Variants in L3MBTL4 observed in about 807,000 individuals in gnomAD.
L3MBTL4 encodes lethal(3)malignant brain tumor-like protein 4.
L3MBTL4 carries 70 observed loss-of-function variants against 84.5 expected under a neutral mutation model. The observed-to-expected ratio is 0.83, with a 90% CI of 0.68 to 1.01. L3MBTL4 has a LOEUF of 1.01. Among genes scored for constraint, L3MBTL4 ranks in the 50% least tolerant of loss-of-function variants. The pLI, the probability that L3MBTL4 is intolerant of heterozygous loss-of-function variation, is 0.00. For missense variants in L3MBTL4, 715 were observed against 754.8 expected, an observed-to-expected ratio of 0.95 and a Z score of 0.62; for synonymous variants, 274 against 259.8, an observed-to-expected ratio of 1.05 and a Z score of -0.52.
intron 1 of L3MBTL4, among the ~76,000 whole-genome samples, chr18:6,377,664 A>G (rs2054424734): frequency 1.3e-5 from 2 of 152,106 alleles, no homozygotes; most frequent in Admixed American, 1.3e-4. Context: ...ATCCTTTTTT[A>G]TGGCTGCATA....
intron 1 of L3MBTL4, among the ~76,000 whole-genome samples, chr18:6,351,652 C>A (rs188352105): frequency 0.011 from 1,738 of 151,954 alleles, 43 homozygotes; most frequent in African/African-American, 0.039. Context: ...CCCGGGTTCA[C>A]GCCATTCTCC....
At chr18:6,260,142 G>T (rs555786486) in intron 5 of L3MBTL4, 1 of 152,020 alleles carries the variant, frequency 6.6e-6, no homozygotes, top group African/African-American at 2.4e-5. Context: ...CTGTTCCATT[G>T]TTCTATGTAT....
chr18:6,413,477 A>G (rs1032708292), intron 1 of L3MBTL4, among the ~76,000 whole-genome samples: 1 of 152,236 alleles, frequency 6.6e-6, no homozygotes, highest in Non-Finnish European at 1.5e-5. Flanking sequence ...GTAGTAATAT[A>G]AGGAATGCAT....
intron 11 of L3MBTL4, among the ~76,000 whole-genome samples, chr18:6,213,643 C>T (rs191323630): frequency 4.6e-5 from 7 of 152,266 alleles, no homozygotes; most frequent in African/African-American, 7.2e-5. Flanking sequence ...AACCCTTGAC[C>T]TCAGGTGATC....
At chr18:6,084,512 T>G (rs920323937) in intron 15 of L3MBTL4, among the ~76,000 whole-genome samples, 3 of 152,222 alleles carry the variant, frequency 2.0e-5, no homozygotes, top group East Asian at 3.8e-4. Flanking sequence ...TAACTGTGTT[T>G]AGTTATAACT....
At chr18:5,971,736 T>C (rs2052652353) in intron 16 of L3MBTL4, among the ~76,000 whole-genome samples, 1 of 152,178 alleles carries the variant, frequency 6.6e-6, no homozygotes, top group Non-Finnish European at 1.5e-5. Flanking sequence ...TGGGGCAGAC[T>C]CTTGGAAAGA....
At chr18:6,112,439 G>A (rs2059224203) in intron 14 of L3MBTL4, among the ~76,000 whole-genome samples, 1 of 152,150 alleles carries the variant, frequency 6.6e-6, no homozygotes, top group African/African-American at 2.4e-5. Flanking sequence ...AAAATTGAGT[G>A]CATCACAACT....
chr18:6,373,397 A>G (rs1319532434), intron 1 of L3MBTL4, among the ~76,000 whole-genome samples: 1 of 152,176 alleles, frequency 6.6e-6, no homozygotes, highest in African/African-American at 2.4e-5. Flanking sequence ...TCCTACTTGC[A>G]TAAAAACGCA....
At chr18:6,357,269 T>C (rs541339014) in intron 1 of L3MBTL4, among the ~76,000 whole-genome samples, 3 of 152,360 alleles carry the variant, frequency 2.0e-5, no homozygotes, top group African/African-American at 4.8e-5. Flanking sequence ...CTATATATTT[T>C]CTTGTTGACT....
At chr18:6,377,686 T>A (rs946421892) in intron 1 of L3MBTL4, among the ~76,000 whole-genome samples, 5 of 152,232 alleles carry the variant, frequency 3.3e-5, no homozygotes, top group Non-Finnish European at 5.9e-5. Flanking sequence ...TATTCCATGA[T>A]GTATATGTGC....
chr18:5,994,129 C>T (rs1453850438), intron 16 of L3MBTL4, among the ~76,000 whole-genome samples: 1 of 152,208 alleles, frequency 6.6e-6, no homozygotes, highest in Admixed American at 6.5e-5. Flanking sequence ...GCTCCTGGGG[C>T]ATGCAGGTAC....
At chr18:6,383,062 C>T (rs1475938738) in intron 1 of L3MBTL4, among the ~76,000 whole-genome samples, 1 of 152,088 alleles carries the variant, frequency 6.6e-6, no homozygotes, top group African/African-American at 2.4e-5. Flanking sequence ...TGCTGAGTTT[C>T]AGTAGGCTCT....
At chr18:6,032,514 C>T (rs1208163579) in intron 16 of L3MBTL4, among the ~76,000 whole-genome samples, 2 of 151,724 alleles carry the variant, frequency 1.3e-5, no homozygotes, top group Admixed American at 6.6e-5. Context: ...TTGTACTGTA[C>T]TGTTGAATTG....
chr18:6,180,409 G>A (rs1308700867), intron 12 of L3MBTL4, among the ~76,000 whole-genome samples: 1 of 151,928 alleles, frequency 6.6e-6, no homozygotes, highest in Non-Finnish European at 1.5e-5. Context: ...TGTGGTTTTG[G>A]AACCGGCTGC....
chr18:6,106,297 G>A (rs1261384204), intron 14 of L3MBTL4, among the ~76,000 whole-genome samples: 5 of 152,138 alleles, frequency 3.3e-5, no homozygotes, highest in African/African-American at 4.8e-5. Flanking sequence ...TACATACTAG[G>A]TACTTTGCCA....
intron 10 of L3MBTL4, among the ~76,000 whole-genome samples, chr18:6,222,195 A>G (rs1343775947): frequency 3.9e-5 from 6 of 152,234 alleles, no homozygotes; most frequent in Admixed American, 2.6e-4. Context: ...GCAAAAGAAC[A>G]TAAGTTAGAC....
chr18:6,284,062 A>G (rs417542), intron 4 of L3MBTL4, among the ~76,000 whole-genome samples: 7,834 of 152,268 alleles, frequency 0.051, 618 homozygotes, highest in African/African-American at 0.17. Context: ...GTATTGCACT[A>G]TAATGCTTTA....
intron 1 of L3MBTL4, among the ~76,000 whole-genome samples, chr18:6,347,680 G>C (rs889786990): frequency 6.6e-6 from 1 of 151,626 alleles, no homozygotes; most frequent in Non-Finnish European, 1.5e-5. Context: ...TTCTGATAAA[G>C]AGTATCTATC....
chr18:6,015,816 T>G (rs1206000142), intron 16 of L3MBTL4, among the ~76,000 whole-genome samples: 1 of 151,962 alleles, frequency 6.6e-6, no homozygotes, highest in African/African-American at 2.4e-5. Flanking sequence ...AAAAGTTAGC[T>G]GGGCATGATG....
Sources: gnomAD v4.1 joint callset for allele counts (sites outside exome capture counted in the v4.1 genomes callset) on GRCh38, gnomAD v4.1.1 for gene constraint, MANE v1.5 for transcripts, NCBI Gene and HGNC (gene_info 2026-07-23, HGNC 2026-07-21) for gene names.